Variants in KCNMA1 observed in about 807,000 individuals in gnomAD.
The protein encoded by KCNMA1 is Calcium-activated potassium channel subunit alpha-1.
KCNMA1 carries 29 observed loss-of-function variants against 140.0 expected under a neutral mutation model. The observed-to-expected ratio is 0.21, with a 90% CI of 0.15 to 0.28. The LOEUF is 0.28. KCNMA1 is among the 10% of genes least tolerant of loss of function. The pLI is 1.00. For synonymous variants in KCNMA1, 612 were observed against 611.9 expected, an observed-to-expected ratio of 1.00 and a Z score of 0.00; for missense variants, 880 against 1,602.2, an observed-to-expected ratio of 0.55 and a Z score of 7.70.
chr10:77,260,141 G>A (rs2061648420), intron 2 of KCNMA1, among the ~76,000 whole-genome samples: 1 of 152,188 alleles, frequency 6.6e-6, no homozygotes, highest in African/African-American at 2.4e-5. Context: ...AGGAAGAAGA[G>A]CACCGCGGTG....
At chr10:76,969,910 G>A (rs2075513531) in intron 20 of KCNMA1, 64 bp downstream of exon 20, 11 of 1,299,102 alleles carry the variant, frequency 8.5e-6, no homozygotes, top group Non-Finnish European at 2.2e-6. Context: ...AGGGTGAGGA[G>A]AGGGCGAGGG....
At chr10:77,335,571 C>G (rs1282170565) in intron 2 of KCNMA1, among the ~76,000 whole-genome samples, 1 of 152,126 alleles carries the variant, frequency 6.6e-6, no homozygotes, top group Non-Finnish European at 1.5e-5. Flanking sequence ...TTAAAGGCTC[C>G]TAGGTGATTC....
chr10:77,161,300 T>C (rs2098551611), intron 5 of KCNMA1, among the ~76,000 whole-genome samples: 1 of 152,160 alleles, frequency 6.6e-6, no homozygotes, highest in East Asian at 1.9e-4. Context: ...CAGGCTGGGG[T>C]ACAGCGGCAT....
chr10:77,085,301 C>G (rs2096666085), intron 11 of KCNMA1, among the ~76,000 whole-genome samples: 1 of 152,172 alleles, frequency 6.6e-6, no homozygotes, highest in African/African-American at 2.4e-5. Flanking sequence ...GACAACAAAT[C>G]TATGTATGAA....
intron 12 of KCNMA1, among the ~76,000 whole-genome samples, chr10:77,081,838 T>A (rs74792793): frequency 1.3e-5 from 2 of 151,942 alleles, no homozygotes; most frequent in Admixed American, 6.6e-5. Flanking sequence ...AGGAGGCAGA[T>A]TGGTCTCATT....
intron 1 of KCNMA1, among the ~76,000 whole-genome samples, chr10:77,498,077 C>T (rs1309386382): frequency 6.6e-6 from 1 of 151,746 alleles, no homozygotes; most frequent in African/African-American, 2.4e-5. Context: ...GTGCCAAAAA[C>T]CTAAAGGAAT....
chr10:77,296,926 G>A (rs2075319256), intron 2 of KCNMA1, among the ~76,000 whole-genome samples: 2 of 150,374 alleles, frequency 1.3e-5, no homozygotes, highest in South Asian at 4.2e-4. Context: ...GGGGCGGTGG[G>A]GGAATGTAGA....
In KCNMA1 at chr10:76,885,061, A is replaced by T; in HGVS notation, c.*2205T>A. 3.2e-6 allele frequency: 5 copies of T among 1,547,072 alleles called. No homozygotes were observed. The highest frequency in any genetic ancestry group is 4.4e-6 in the Non-Finnish European group (5 of 1,145,588). ...GCTATGTGAGTTTTACAATGCTTTTAAACTGTCATATTTCCTGTTGAGCAC... is the reference window on the plus strand; with the variant it reads ...GCTATGTGAGTTTTACAATGCTTTTTAACTGTCATATTTCCTGTTGAGCAC... On this transcript the variant is annotated 3_prime_UTR_variant, in exon 28 of 28. Transcript: ENST00000286628.
At chr10:77,275,752 G>A (rs972723431) in intron 2 of KCNMA1, among the ~76,000 whole-genome samples, 4 of 152,214 alleles carry the variant, frequency 2.6e-5, no homozygotes, top group African/African-American at 9.6e-5. Context: ...TCACTGCTCA[G>A]CAGGAGGTAG....
chr10:77,177,249 CCTTCCTTT>C (rs950367295), intron 5 of KCNMA1, among the ~76,000 whole-genome samples: 8 of 151,980 alleles, frequency 5.3e-5, no homozygotes, highest in African/African-American at 1.7e-4. Flanking sequence ...TTTCTTCCTT[CCTTCCTTT>C]CTTCCTTCCT....
At chr10:77,227,771 A>C (rs573206016) in intron 3 of KCNMA1, among the ~76,000 whole-genome samples, 22 of 138,014 alleles carry the variant, frequency 1.6e-4, no homozygotes, top group Non-Finnish European at 2.3e-4. Context: ...AATTTCTATT[A>C]GCCATTTGGG....
chr10:76,891,458 C>G, intron 26 of KCNMA1, 67 bp downstream of exon 26: 1 of 1,259,434 alleles, frequency 7.9e-7, no homozygotes, highest in Non-Finnish European at 1.1e-6. Context: ...ACATCTGATA[C>G]CACGTTCTTC....
At chr10:77,083,467 G>A (rs964815794) in intron 12 of KCNMA1, among the ~76,000 whole-genome samples, 2 of 143,856 alleles carry the variant, frequency 1.4e-5, no homozygotes, top group Admixed American at 1.4e-4. Context: ...GCACTGCACA[G>A]TGTTTCCCAG....
At chr10:77,382,978 GTGTGTGTGTGTGTGTGTATATATATA>G (rs1206758808) in intron 2 of KCNMA1, among the ~76,000 whole-genome samples, 1 of 70,938 alleles carries the variant, frequency 1.4e-5, no homozygotes, top group Non-Finnish European at 2.3e-5. Context: ...GTGTGTGTGT[GTGTGTGTGTGTGTGTGTATATATATA>G]TATATATATA....
chr10:76,948,871 A>G, intron 22 of KCNMA1: 1 of 522,682 alleles, frequency 1.9e-6, no homozygotes, highest in Non-Finnish European at 3.5e-6. Context: ...CAGGAGTGAG[A>G]GTGTTTAGAC....
chr10:76,920,540 C>T (rs1280572500), intron 23 of KCNMA1, among the ~76,000 whole-genome samples: 4 of 152,142 alleles, frequency 2.6e-5, no homozygotes, highest in Non-Finnish European at 5.9e-5. Context: ...TCTTATGTGC[C>T]AGGCTGGGCT....
At chr10:77,238,293 G>T (rs1028221954) in intron 3 of KCNMA1, among the ~76,000 whole-genome samples, 7 of 152,120 alleles carry the variant, frequency 4.6e-5, no homozygotes, top group Non-Finnish European at 2.9e-5. Context: ...GGTACCCAGT[G>T]GTCCCTAGTT....
In KCNMA1 at chr10:77,257,956, C is replaced by T. The variant is rs374495017; in HGVS notation, c.541-6700G>A. ...TATGTCTTTATCAGCAGTGTGAAAACGGACTAATATAACCAGGCACACAGG... is the reference window on the plus strand; with the variant it reads ...TATGTCTTTATCAGCAGTGTGAAAATGGACTAATATAACCAGGCACACAGG... On this transcript the variant is annotated intron_variant, in intron 2 of 27. Coordinates refer to ENST00000286628, the MANE Select transcript of KCNMA1 (RefSeq NM_001161352.2). Among the ~76,000 whole-genome samples the T allele has an allele frequency of 1.6e-4, 24 of 152,224 alleles. No individual in the cohort carries two copies. The East Asian group carries it at 2.1e-3, about 13-fold the overall frequency.
At position 77,262,357 on chromosome 10, in the gene KCNMA1, A is replaced by G. The variant is rs181785471; in HGVS notation, c.541-11101T>C. On this transcript the variant is annotated intron_variant, in intron 2 of 27. Transcript: ENST00000286628. ...TCTACCTAAAGGAGGTAACTAGAGT[A>G]GTCACATTCATTGAGACAGGAAGTA... Among the ~76,000 whole-genome samples the G allele has an allele frequency of 2.2e-3, 329 of 152,360 alleles. 2 individuals are homozygous for G. The highest frequency in any genetic ancestry group is 7.3e-3 in the African/African-American group (302 of 41,590).
Sources: allele counts gnomAD v4.1 joint callset (sites outside exome capture counted in the v4.1 genomes callset), GRCh38; gene constraint gnomAD v4.1.1; transcripts MANE v1.5; gene names NCBI Gene and HGNC (gene_info 2026-07-23, HGNC 2026-07-21).